The following KCTD5 variants were observed in gnomAD, a reference collection of about 807,000 sequenced individuals.
The protein encoded by KCTD5 is BTB/POZ domain-containing protein KCTD5.
Under a neutral mutation model 27.9 loss-of-function variants are expected in KCTD5, and 12 were observed. The ratio of observed to expected loss-of-function variants is 0.43; its 90% CI spans 0.28 to 0.70. KCTD5 has a LOEUF of 0.70. Ranked by LOEUF, KCTD5 falls within the 30% of genes least tolerant of loss-of-function variation. KCTD5 has a pLI of 0.19. For synonymous variants in KCTD5, 147 were observed against 121.4 expected, an observed-to-expected ratio of 1.21 and a Z score of -1.39; for missense variants, 226 against 274.8, an observed-to-expected ratio of 0.82 and a Z score of 1.26.
chr16:2,704,408 G>T (rs545776993), intron 5 of KCTD5, among the ~76,000 whole-genome samples: 1 of 152,368 alleles, frequency 6.6e-6, no homozygotes, highest in East Asian at 1.9e-4. Flanking sequence ...CAGCGGCGGC[G>T]GGAGAGCCTG....
intron 5 of KCTD5, among the ~76,000 whole-genome samples, chr16:2,706,586 G>T (rs2067637174): frequency 6.6e-6 from 1 of 152,142 alleles, no homozygotes; most frequent in Admixed American, 6.5e-5. Flanking sequence ...CGACTTGGGG[G>T]TGGCCTCAGG....
chr16:2,687,895 A>G (rs1290356904), intron 1 of KCTD5, among the ~76,000 whole-genome samples: 1 of 151,978 alleles, frequency 6.6e-6, no homozygotes, highest in African/African-American at 2.4e-5. Context: ...CTGGGCGTCA[A>G]CTCGGCAGTT....
At chr16:2,699,688 T>G in intron 3 of KCTD5, 133 bp from the exon 4 acceptor site, 1 of 710,860 alleles carries the variant, frequency 1.4e-6, no homozygotes, top group Non-Finnish European at 2.5e-6. Context: ...GTGCTCAGGA[T>G]TGCTTTGGGC....
intron 1 of KCTD5, among the ~76,000 whole-genome samples, chr16:2,690,302 G>C (rs900612604): frequency 6.6e-6 from 1 of 152,212 alleles, no homozygotes; most frequent in Non-Finnish European, 1.5e-5. Context: ...CCGTGGCCAG[G>C]GTCGCCCTCT....
intron 4 of KCTD5, among the ~76,000 whole-genome samples, chr16:2,701,129 G>T (rs571609116): frequency 1.3e-5 from 2 of 152,342 alleles, no homozygotes; most frequent in South Asian, 4.1e-4. Context: ...ACTTCTGGCT[G>T]GGAGGGAACA....
rs369480617 is a variant in KCTD5, at chr16:2,698,004, C to T, written c.453+7C>T. On this transcript the variant is annotated splice_region_variant and intron_variant, in intron 3 of 5. Coordinates refer to ENST00000301738, the MANE Select transcript of KCTD5 (RefSeq NM_018992.4). ...AGACAGCAAAACATCGCAGGTGAGACAAATGACTGAGGCTGGAAGCTTGTA... is the reference window on the plus strand; with the variant it reads ...AGACAGCAAAACATCGCAGGTGAGATAAATGACTGAGGCTGGAAGCTTGTA... The T allele has an allele frequency of 1.3e-5, 21 of 1,596,258 alleles. No homozygotes were observed. The highest frequency in any genetic ancestry group is 1.5e-5 in the Non-Finnish European group (18 of 1,164,330).
intron 1 of KCTD5, among the ~76,000 whole-genome samples, chr16:2,688,209 T>TTAAATAAATAAA (rs371152268): frequency 1.4e-5 from 2 of 141,490 alleles, no homozygotes; most frequent in East Asian, 2.0e-4. Flanking sequence ...GTTTTTATTA[T>TTAAATAAATAAA]TAAATAAATA....
intron 5 of KCTD5, among the ~76,000 whole-genome samples, chr16:2,704,208 C>T (rs2067624665): frequency 1.3e-5 from 2 of 152,306 alleles, no homozygotes; most frequent in South Asian, 4.1e-4. Context: ...GTCAGCAGTG[C>T]CCCAGGAGGC....
At chr16:2,704,647 G>A (rs1010918212) in intron 5 of KCTD5, among the ~76,000 whole-genome samples, 9 of 152,230 alleles carry the variant, frequency 5.9e-5, no homozygotes, top group Non-Finnish European at 1.2e-4. Context: ...GTGCCTGGGC[G>A]GCTGAGGAGG....
intron 5 of KCTD5, 126 bp from the exon 6 acceptor site, chr16:2,707,172 G>A: frequency 1.2e-6 from 1 of 805,450 alleles, no homozygotes; most frequent in Non-Finnish European, 2.0e-6. Context: ...CCTGGCCAGT[G>A]CCGCTGGGTT....
At position 2,708,164 on chromosome 16, in the gene KCTD5, TAGAGG is replaced by T; in HGVS notation, c.*838_*842del. 2.0e-5 allele frequency: 3 copies of T among 152,744 alleles called. No homozygotes were observed. Among genetic ancestry groups the T allele is most frequent in the Non-Finnish European group, 4.4e-5 (3 of 68,090 alleles). The allele number at this position is 152,744 out of a possible 1,614,324, so 9.5% of individuals were successfully genotyped here. ...TGTCAGTGCCTTGTCACGCCTGGCA[TAGAGG>T]TTGGGCTGGAGGCCTGTCCACTGGC... On this transcript the variant is annotated 3_prime_UTR_variant, in exon 6 of 6. Transcript: ENST00000301738.
chr16:2,689,436 C>T (rs1596220656), intron 1 of KCTD5, among the ~76,000 whole-genome samples: 1 of 118,068 alleles, frequency 8.5e-6, no homozygotes, highest in East Asian at 2.4e-4. Context: ...GTCTAGATTT[C>T]TGTGGGGCAA....
At chr16:2,706,340 C>G (rs550959665) in intron 5 of KCTD5, among the ~76,000 whole-genome samples, 1 of 152,334 alleles carries the variant, frequency 6.6e-6, no homozygotes, top group African/African-American at 2.4e-5. Flanking sequence ...GGAGGCTGTG[C>G]CCGGCGAGGG....
chr16:2,690,895 A>G (rs1431466980), intron 1 of KCTD5, among the ~76,000 whole-genome samples: 1 of 152,112 alleles, frequency 6.6e-6, no homozygotes, highest in Non-Finnish European at 1.5e-5. Context: ...CCATTTTCCC[A>G]TGTTCCATAT....
At chr16:2,686,859 A>G (rs1485997312) in intron 1 of KCTD5, among the ~76,000 whole-genome samples, 1 of 151,804 alleles carries the variant, frequency 6.6e-6, no homozygotes, top group Admixed American at 6.6e-5. Flanking sequence ...GCTTGGCAAG[A>G]GAAGTGGGGA....
intron 5 of KCTD5, 105 bp from the exon 6 acceptor site, chr16:2,707,193 C>T: frequency 9.0e-7 from 1 of 1,109,256 alleles, no homozygotes; most frequent in Non-Finnish European, 1.3e-6. Context: ...CCCGGGGCTC[C>T]CCGAGCTAAC....
At chr16:2,688,561 G>A (rs1412557827) in intron 1 of KCTD5, among the ~76,000 whole-genome samples, 1 of 150,808 alleles carries the variant, frequency 6.6e-6, no homozygotes, top group Non-Finnish European at 1.5e-5. Context: ...GGAAGGATAT[G>A]CTAAGAACGC....
intron 5 of KCTD5, among the ~76,000 whole-genome samples, chr16:2,705,220 A>G (rs2067630331): frequency 2.0e-5 from 3 of 151,936 alleles, no homozygotes; most frequent in African/African-American, 7.3e-5. Context: ...CCTTGACCCC[A>G]TGGCCCCAGC....
At chr16:2,706,357 C>T (rs1260885945) in intron 5 of KCTD5, among the ~76,000 whole-genome samples, 3 of 152,160 alleles carry the variant, frequency 2.0e-5, no homozygotes, top group South Asian at 4.1e-4. Flanking sequence ...AGGGCGTGGG[C>T]GTTGCTGCCC....
Sources: allele counts gnomAD v4.1 joint callset (sites outside exome capture counted in the v4.1 genomes callset), GRCh38; gene constraint gnomAD v4.1.1; transcripts MANE v1.5; gene names NCBI Gene and HGNC (gene_info 2026-07-23, HGNC 2026-07-21).